CDH4: variants seen among roughly 807,000 people sequenced by gnomAD.
The protein encoded by CDH4 is cadherin 4, also known as cadherin-4.
In CDH4, 33 loss-of-function variants were observed where a neutral mutation model predicts 86.0. The ratio of observed to expected loss-of-function variants is 0.38; its 90% CI spans 0.29 to 0.51. The LOEUF is 0.51. Among genes scored for constraint, CDH4 ranks in the 20% least tolerant of loss-of-function variants. The pLI, the probability that CDH4 is intolerant of heterozygous loss-of-function variation, is 0.86. For missense variants in CDH4, 1,114 were observed against 1,307.4 expected, an observed-to-expected ratio of 0.85 and a Z score of 2.28; for synonymous variants, 555 against 549.4, an observed-to-expected ratio of 1.01 and a Z score of -0.14.
rs367931775 is a variant in CDH4 at position 61,506,808 on chromosome 20, A to G, written c.170-236755A>G. Among the ~76,000 whole-genome samples the G allele has an allele frequency of 6.5e-4, 99 of 152,230 alleles. 2 individuals carry two copies. The East Asian group carries it at 0.015, about 23-fold the overall frequency. On this transcript the variant is annotated intron_variant, in intron 2 of 15. Coordinates refer to ENST00000614565, the MANE Select transcript of CDH4 (RefSeq NM_001794.5). ...CTCACTCTGGATGGGAACTGCTGGG[A>G]GAAAGGAGAGGCTGCAGGGTGGTGC...
chr20:61,809,116 C>G (rs6061836), intron 4 of CDH4, among the ~76,000 whole-genome samples: 1 of 152,226 alleles, frequency 6.6e-6, no homozygotes, highest in East Asian at 1.9e-4. Flanking sequence ...TCCTCTGGAC[C>G]CAGACCTTTG....
chr20:61,612,880 C>T (rs1313570052), intron 2 of CDH4, among the ~76,000 whole-genome samples: 8 of 152,058 alleles, frequency 5.3e-5, no homozygotes, highest in Admixed American at 5.2e-4. Context: ...TCTCTTTGGT[C>T]TTTGGCCGTT....
At chr20:61,699,309 G>A (rs1442457171) in intron 2 of CDH4, among the ~76,000 whole-genome samples, 1 of 152,216 alleles carries the variant, frequency 6.6e-6, no homozygotes. Flanking sequence ...GGCAGGGTCT[G>A]TGGTGCTCAC....
intron 2 of CDH4, among the ~76,000 whole-genome samples, chr20:61,433,936 G>A (rs1250089739): frequency 6.6e-6 from 1 of 152,198 alleles, no homozygotes; most frequent in African/African-American, 2.4e-5. Context: ...TCTAAAGCCA[G>A]CTTACATAGA....
At position 61,931,474 on chromosome 20, in the gene CDH4, C is replaced by A. The variant is rs207477705; in HGVS notation, c.2240-1511C>A. Reference sequence around the variant, plus strand: ...CATCAGGCAGCCACAGCCAATTAATCGGGTTGGCAAAAAACAGCCCTCCTG... The same window carrying A: ...CATCAGGCAGCCACAGCCAATTAATAGGGTTGGCAAAAAACAGCCCTCCTG... On this transcript the variant is annotated intron_variant, in intron 13 of 15. Transcript: ENST00000614565. 5.3e-5 allele frequency among the ~76,000 whole-genome samples: 8 copies of A among 152,352 alleles called. No homozygotes were observed. The East Asian group carries it at 1.5e-3, about 29-fold the overall frequency.
intron 2 of CDH4, among the ~76,000 whole-genome samples, chr20:61,651,912 A>G (rs1460100707): frequency 6.6e-6 from 1 of 152,292 alleles, no homozygotes; most frequent in Non-Finnish European, 1.5e-5. Context: ...TCTGGGGTGG[A>G]AGGGAGGCCC....
At chr20:61,925,385 G>A (rs912610744) in intron 11 of CDH4, among the ~76,000 whole-genome samples, 6 of 152,326 alleles carry the variant, frequency 3.9e-5, no homozygotes, top group African/African-American at 7.2e-5. Flanking sequence ...GGGAAAAGAC[G>A]TGACCGCTCT....
chr20:61,369,331 G>A (rs1311559473), intron 2 of CDH4, among the ~76,000 whole-genome samples: 1 of 151,320 alleles, frequency 6.6e-6, no homozygotes, highest in East Asian at 2.0e-4. Context: ...TGCACCTGTA[G>A]TCCCAGCTAC....
chr20:61,799,503 G>T (rs998455399), intron 4 of CDH4, among the ~76,000 whole-genome samples: 5 of 152,202 alleles, frequency 3.3e-5, no homozygotes, highest in Admixed American at 6.5e-5. Flanking sequence ...CAGAGCCTGG[G>T]CCTGCGTTTC....
At chr20:61,482,315 ATAAGG>A (rs1236050730) in intron 2 of CDH4, among the ~76,000 whole-genome samples, 4 of 152,196 alleles carry the variant, frequency 2.6e-5, no homozygotes, top group Admixed American at 2.6e-4. Context: ...TCTTTTATTC[ATAAGG>A]TAATTCTTAT....
intron 2 of CDH4, among the ~76,000 whole-genome samples, chr20:61,429,733 AGATG>A (rs1343087427): frequency 7.4e-6 from 1 of 134,630 alleles, no homozygotes; most frequent in Non-Finnish European, 1.6e-5. Context: ...GTGCATGAAT[AGATG>A]GATGGATGGA....
intron 4 of CDH4, among the ~76,000 whole-genome samples, chr20:61,773,805 G>A (rs1415919307): frequency 6.6e-6 from 1 of 152,200 alleles, no homozygotes; most frequent in Non-Finnish European, 1.5e-5. Flanking sequence ...CAACCGTTGT[G>A]GAAAAGCCTC....
intron 13 of CDH4, 71 bp downstream of exon 13, chr20:61,929,913 G>A: frequency 3.2e-6 from 4 of 1,246,822 alleles, no homozygotes; most frequent in East Asian, 4.7e-5. Flanking sequence ...GGCATGGTGG[G>A]CAGAGGGGGG....
intron 2 of CDH4, among the ~76,000 whole-genome samples, chr20:61,566,079 C>G (rs935310526): frequency 2.6e-5 from 4 of 152,212 alleles, no homozygotes; most frequent in African/African-American, 9.6e-5. Flanking sequence ...CTCTGCTTCC[C>G]TGGTGCCTCG....
At chr20:61,838,037 T>G (rs1245095981) in intron 4 of CDH4, among the ~76,000 whole-genome samples, 1 of 151,700 alleles carries the variant, frequency 6.6e-6, no homozygotes, top group Non-Finnish European at 1.5e-5. Context: ...CACCGTTTTT[T>G]CCTCTGGGTC....
intron 4 of CDH4, among the ~76,000 whole-genome samples, chr20:61,780,576 C>A (rs958299283): frequency 6.6e-6 from 1 of 152,162 alleles, no homozygotes; most frequent in Admixed American, 6.5e-5. Flanking sequence ...AAGATTGTTA[C>A]GTTAGGGATA....
intron 4 of CDH4, 113 bp from the exon 5 acceptor site, chr20:61,844,555 C>T (rs1325086313): frequency 5.0e-6 from 5 of 993,346 alleles, no homozygotes; most frequent in Non-Finnish European, 7.4e-6. Context: ...CCCCATTGTA[C>T]CTGAAAATGG....
chr20:61,924,528 G>GC (rs1157636454), intron 11 of CDH4, 52 bp downstream of exon 11: 1 of 1,579,020 alleles, frequency 6.3e-7, no homozygotes, highest in Non-Finnish European at 8.6e-7. Context: ...CCGTGTCCTG[G>GC]GTTCTGTGGG....
intron 4 of CDH4, among the ~76,000 whole-genome samples, chr20:61,819,004 G>A (rs1980879019): frequency 2.0e-5 from 3 of 152,238 alleles, no homozygotes; most frequent in African/African-American, 7.2e-5. Context: ...GAGACCTGCT[G>A]GCACTTTCTG....
Sources: gnomAD v4.1 joint callset for allele counts (sites outside exome capture counted in the v4.1 genomes callset) on GRCh38, gnomAD v4.1.1 for gene constraint, MANE v1.5 for transcripts, NCBI Gene and HGNC (gene_info 2026-07-23, HGNC 2026-07-21) for gene names.